Variants in STIP1 observed in about 807,000 individuals in gnomAD.
STIP1 encodes stress induced phosphoprotein 1.
Under a neutral mutation model 77.4 loss-of-function variants are expected in STIP1, and 16 were observed. The observed-to-expected ratio is 0.21, with a 90% CI of 0.14 to 0.31. The LOEUF (loss-of-function observed/expected upper bound fraction) is 0.31. Ranked by LOEUF, STIP1 falls within the 10% of genes least tolerant of loss-of-function variation. The probability of loss-of-function intolerance (pLI) is 1.00; values close to 1 mark genes in which losing one functional copy is unlikely to be tolerated. For missense variants in STIP1, 524 were observed against 684.8 expected (o/e 0.77, Z 2.62); for synonymous variants, 258 against 246.6 (o/e 1.05, Z -0.44).
chr11:64,197,952 A>G lies in STIP1; in HGVS notation c.1001A>G (p.Asp334Gly), dbSNP rs1002510630. Residue 334 changes from aspartate to glycine, a missense_variant, in exon 8 of 14, where the codon GAT becomes GGT. Transcript: ENST00000305218. ...TCTCTGGCAGAGCACCGAACCCCAGATGTGCTCAAGAAATGCCAGCAGGTG... is the reference window on the plus strand; with the variant it reads ...TCTCTGGCAGAGCACCGAACCCCAGGTGTGCTCAAGAAATGCCAGCAGGTG... ...NKSLAEHRTP[D>G]VLKKCQQAEK... The G allele has an allele frequency of 6.2e-7, 1 of 1,613,544 alleles. No homozygotes were observed. The highest frequency in any genetic ancestry group is 8.5e-7 in the Non-Finnish European group (1 of 1,179,812).
chr11:64,199,314 C>T (rs1455447300), intron 8 of STIP1, among the ~76,000 whole-genome samples: 4 of 151,392 alleles, frequency 2.6e-5, no homozygotes, highest in African/African-American at 9.7e-5. Context: ...ACCATCCTGG[C>T]TAACACGGTG....
Position 64,204,090 on chromosome 11 carries a change from G to A in STIP1, c.1596G>A (p.Gln532=). 1 of 1,614,228 alleles carries A rather than the reference G, an allele frequency of 6.2e-7. No homozygotes were observed. Among genetic ancestry groups the A allele is most frequent in the Non-Finnish European group, 8.5e-7 (1 of 1,180,040 alleles). The change falls in exon 14 of 14, where the codon CAG becomes CAA. Residue 532 remains glutamine, a synonymous_variant. Coordinates refer to ENST00000305218, the MANE Select transcript of STIP1 (RefSeq NM_006819.3). ...LKNPVIAQKI[Q]KLMDVGLIAI... ...ATCCTGTAATAGCACAGAAGATCCA[G>A]AAGCTGATGGATGTGGGTCTGATTG...
At chr11:64,186,325 C>G (rs1486593331) in intron 1 of STIP1, 55 bp downstream of exon 1, 5 of 1,422,220 alleles carry the variant, frequency 3.5e-6, no homozygotes, top group Non-Finnish European at 4.6e-6. Context: ...CCGGCGGTGG[C>G]CAGGCCGCGG....
At chr11:64,198,917 T>C (rs1362856599) in intron 8 of STIP1, among the ~76,000 whole-genome samples, 1 of 152,136 alleles carries the variant, frequency 6.6e-6, no homozygotes, top group East Asian at 1.9e-4. Context: ...TTGCCAGCAA[T>C]AGCCGGGTGC....
intron 10 of STIP1, among the ~76,000 whole-genome samples, chr11:64,201,243 T>G (rs967860773): frequency 6.6e-6 from 1 of 152,044 alleles, no homozygotes; most frequent in Non-Finnish European, 1.5e-5. Context: ...TTTCACCATG[T>G]TTTCCCAGGC....
At position 64,194,320 on chromosome 11, in the gene STIP1, C is replaced by T. The variant is rs1565279789; in HGVS notation, c.351C>T (p.Ala117=). Residue 117 remains alanine, a synonymous_variant, in exon 3 of 14, where the codon GCC becomes GCT. Coordinates refer to ENST00000305218, the MANE Select transcript of STIP1 (RefSeq NM_006819.3). ...AAGAGGGTTTACAGAATATGGAGGCCAGGTTGGCAGGTAGGTACCACGCAC... is the reference window on the plus strand; with the variant it reads ...AAGAGGGTTTACAGAATATGGAGGCTAGGTTGGCAGGTAGGTACCACGCAC... ...QLKEGLQNME[A]RLAERKFMNP... The T allele has an allele frequency of 3.7e-6, 6 of 1,613,548 alleles. No homozygotes were observed. The highest frequency in any genetic ancestry group is 1.3e-5 in the African/African-American group (1 of 74,876).
chr11:64,197,768 G>A, intron 7 of STIP1, 86 bp from the exon 8 acceptor site: 1 of 1,574,404 alleles, frequency 6.4e-7, no homozygotes, highest in South Asian at 1.2e-5. Context: ...AGTGATGCGG[G>A]CCTTTCTAGC....
At position 64,195,745 on chromosome 11, in the gene STIP1, C is replaced by A; in HGVS notation, c.604C>A (p.Pro202Thr). The A allele has an allele frequency of 6.2e-7, 1 of 1,614,082 alleles. No individual in the cohort carries two copies. The highest frequency in any genetic ancestry group is 8.5e-7 in the Non-Finnish European group (1 of 1,180,010). The change falls in exon 5 of 14, where the codon CCA (proline) becomes ACA (threonine). Residue 202 changes from proline to threonine, a missense_variant. Pro to Thr is a conservative substitution (Grantham distance 38). Coordinates refer to ENST00000305218, the MANE Select transcript of STIP1 (RefSeq NM_006819.3). ...GGAAGAGATTGCAACACCTCCACCACCACCCCCTCCCAAAAAGGAGACCAA... is the reference window on the plus strand; with the variant it reads ...GGAAGAGATTGCAACACCTCCACCAACACCCCCTCCCAAAAAGGAGACCAA... ...EEEEIATPPP[P>T]PPPKKETKPE... is the part of the protein sequence containing the mutation.
At position 64,195,624 on chromosome 11, in the gene STIP1, A is replaced by T. The variant is rs571166797; in HGVS notation, c.504-21A>T. On this transcript the variant is annotated intron_variant, in intron 4 of 13. Transcript: ENST00000305218. ...GGAGGAGTAATTACAATTTTTCTTT[A>T]TTTTTTTAAATCAATACTAGGAAAC... 12 of 1,551,132 alleles carry T rather than the reference A, an allele frequency of 7.7e-6. No homozygotes were observed. In the African/African-American group the frequency reaches 8.3e-5, roughly 11 times the overall value.
intron 1 of STIP1, among the ~76,000 whole-genome samples, chr11:64,187,433 G>C (rs1158108000): frequency 6.6e-6 from 1 of 151,954 alleles, no homozygotes. Context: ...ATAAAACTAA[G>C]ATCGCCCACA....
At chr11:64,187,648 T>A (rs769895297) in intron 1 of STIP1, among the ~76,000 whole-genome samples, 16 of 152,204 alleles carry the variant, frequency 1.1e-4, no homozygotes, top group Non-Finnish European at 2.1e-4. Flanking sequence ...TAGGGTTAAA[T>A]GGGCTGTAGT....
In STIP1 at chr11:64,201,444, T is replaced by C. The variant is rs147285519; in HGVS notation, c.1245+1151T>C. Among the ~76,000 whole-genome samples, 15 of 152,314 alleles carry C rather than the reference T, an allele frequency of 9.8e-5. No homozygotes were observed. The East Asian group carries it at 2.1e-3, about 22-fold the overall frequency. On this transcript the variant is annotated intron_variant, in intron 10 of 13. Coordinates refer to ENST00000305218, the MANE Select transcript of STIP1 (RefSeq NM_006819.3). The stretch of plus-strand genomic sequence containing the variant: ...TAGGTAGGTCTGCTGTTCTCAGTCA[T>C]ATCAAGTTAGGTCAAATACAATTGT...
Position 64,203,526 on chromosome 11 carries a change from G to T in STIP1, c.1463G>T (p.Arg488Leu). ...GACAGCCCCGAAGATGTGAAGCGAC[G>T]AGCCATGGCCGACCCTGAGGTGCAG... ...RHDSPEDVKR[R>L]AMADPEVQQI... Residue 488 changes from arginine to leucine, a missense_variant, in exon 13 of 14, where the codon CGA becomes CTA. Coordinates refer to ENST00000305218, the MANE Select transcript of STIP1 (RefSeq NM_006819.3). 1 of 1,614,164 alleles carries T rather than the reference G, an allele frequency of 6.2e-7. No homozygotes were observed.
upstream of STIP1, chr11:64,185,877 C>A (rs1946006781): frequency 2.0e-6 from 3 of 1,536,208 alleles, no homozygotes; most frequent in East Asian, 7.3e-5. Context: ...ACGATCAGAA[C>A]CAATGGGCGC....
intron 8 of STIP1, among the ~76,000 whole-genome samples, chr11:64,198,393 A>G (rs1252244123): frequency 1.3e-5 from 2 of 152,038 alleles, no homozygotes; most frequent in Non-Finnish European, 2.9e-5. Flanking sequence ...TTGTATTTTT[A>G]GTAGAGATGG....
Position 64,193,284 on chromosome 11 carries a change from C to A in STIP1, c.216C>A (p.Gly72=). The change falls in exon 2 of 14, where the codon GGC becomes GGA. Residue 72 remains glycine, a synonymous_variant. Coordinates refer to ENST00000305218, the MANE Select transcript of STIP1 (RefSeq NM_006819.3). Reference sequence around the variant, plus strand: ...CTGTCGACCTAAAGCCTGACTGGGGCAAGGTCAGCTGTGGGCAGTGGAGGG... The same window carrying A: ...CTGTCGACCTAAAGCCTGACTGGGGAAAGGTCAGCTGTGGGCAGTGGAGGG... ...CKTVDLKPDW[G]KGYSRKAAAL... 6.2e-7 allele frequency: 1 copy of A among 1,614,166 alleles called. No homozygotes were observed. The highest frequency in any genetic ancestry group is 8.5e-7 in the Non-Finnish European group (1 of 1,180,018).
In STIP1 at chr11:64,204,122, G is replaced by C; in HGVS notation, c.1628G>C (p.Arg543Pro). The C allele has an allele frequency of 6.2e-7, 1 of 1,614,168 alleles. No homozygotes were observed. Among genetic ancestry groups the C allele is most frequent in the South Asian group, 1.1e-5 (1 of 91,086 alleles). The part of the protein sequence containing the change: ...KLMDVGLIAI[R>P] The stretch of plus-strand genomic sequence containing the variant: ...ATGGATGTGGGTCTGATTGCAATTC[G>C]GTGATGACTTGTTCATCCCCCCTTC... Residue 543 changes from arginine (R) to proline (P), a missense_variant, in exon 14 of 14, where the codon CGG (arginine) becomes CCG (proline). Coordinates refer to ENST00000305218, the MANE Select transcript of STIP1 (RefSeq NM_006819.3).
chr11:64,187,358 GC>G (rs1163518371), intron 1 of STIP1, among the ~76,000 whole-genome samples: 1 of 151,796 alleles, frequency 6.6e-6, no homozygotes, highest in Non-Finnish European at 1.5e-5. Context: ...TTCGCTCCGG[GC>G]CCATAACACT....
At position 64,203,638 on chromosome 11, in the gene STIP1, G is replaced by A. The variant is rs1157738051; in HGVS notation, c.1559+16G>A. The A allele has an allele frequency of 1.2e-6, 2 of 1,614,022 alleles. No homozygotes were observed. The highest frequency in any genetic ancestry group is 1.3e-5 in the African/African-American group (1 of 74,940). On this transcript the variant is annotated intron_variant, in intron 13 of 13. Transcript: ENST00000305218. ...CACTCAGCGAGTACGTAGAGTCAGA[G>A]AGGCGGCCTTGCTGGAAATGGAGAA...
Sources: allele counts gnomAD v4.1 joint callset (sites outside exome capture counted in the v4.1 genomes callset), GRCh38; gene constraint gnomAD v4.1.1; transcripts MANE v1.5; gene names NCBI Gene and HGNC (gene_info 2026-07-23, HGNC 2026-07-21).